The following TEX15 variants were observed in gnomAD, a reference collection of about 807,000 sequenced individuals.
The protein encoded by TEX15 is testis expressed 15, meiosis and synapsis associated.
In TEX15, 171 loss-of-function variants were observed where a neutral mutation model predicts 237.3. The observed-to-expected ratio is 0.72, with a 90% CI of 0.64 to 0.82. The LOEUF (loss-of-function observed/expected upper bound fraction) is 0.82, where lower values mean the gene tolerates loss of function less well. Ranked by LOEUF, TEX15 falls within the 40% of genes least tolerant of loss-of-function variation. TEX15 has a pLI of 0.00. For missense variants in TEX15, 3,750 were observed against 3,646.5 expected (o/e 1.03, Z -0.73); for synonymous variants, 1,338 against 1,269.8 (o/e 1.05, Z -1.14).
rs898928148 is a variant in TEX15 at position 30,898,736 on chromosome 8, A to G, written c.-10+6T>C. 7 of 152,226 alleles carry G rather than the reference A, an allele frequency of 4.6e-5. No homozygotes were observed. Among genetic ancestry groups the G allele is most frequent in the African/African-American group, 1.7e-4 (7 of 41,466 alleles). The allele number at this position is 152,226 out of a possible 1,614,324, so 9.4% of individuals were successfully genotyped here. A position where few individuals can be genotyped will look rare whatever the true frequency, so the allele number is the denominator to read the frequency against. On this transcript the variant is annotated splice_donor_region_variant and intron_variant, in intron 2 of 10. Coordinates refer to ENST00000643185, the MANE Select transcript of TEX15 (RefSeq NM_001350162.2). ...CAGTAACAAAGCCATTATTTGAAAT[A>G]CTTACCACTCTTCAATGGCATCCAG...
At chr8:30,852,568 TC>T (rs916637598) in intron 7 of TEX15, among the ~76,000 whole-genome samples, 10 of 152,114 alleles carry the variant, frequency 6.6e-5, no homozygotes, top group African/African-American at 2.4e-4. Context: ...GGCATTCTCA[TC>T]AAATGACAAT....
intron 7 of TEX15, among the ~76,000 whole-genome samples, chr8:30,853,511 A>G (rs1052046356): frequency 6.6e-6 from 1 of 152,364 alleles, no homozygotes; most frequent in South Asian, 2.1e-4. Context: ...AAAACACAGT[A>G]TAACAACTAT....
Position 30,843,798 on chromosome 8 carries a change from C to T in TEX15, c.6369G>A (p.Gln2123=). ...LLGKPRGFQQ[Q]SNFYPGFQGR... ...CTTGGAAACCAGGATAGAAATTAGA[C>T]TGCTGTTGAAATCCACGTGGTTTTC... is the stretch of plus-strand genomic sequence containing the variant. Residue 2123 remains glutamine (Q), a synonymous_variant, in exon 8 of 11, where the codon CAG becomes CAA. Transcript: ENST00000643185. 1.2e-6 allele frequency: 2 copies of T among 1,613,426 alleles called. No individual in the cohort carries two copies. Among genetic ancestry groups the T allele is most frequent in the Non-Finnish European group, 8.5e-7 (1 of 1,179,636 alleles).
At position 30,856,348 on chromosome 8, in the gene TEX15, G is replaced by A. The variant is rs1464348263; in HGVS notation, c.850+2320C>T. Among the ~76,000 whole-genome samples, 8 of 149,504 alleles carry A rather than the reference G, an allele frequency of 5.4e-5. No individual in the cohort carries two copies. The East Asian group carries it at 1.7e-3, about 32-fold the overall frequency. Reference sequence around the variant, plus strand: ...GCAGGTGGATCACTTGAGCTTAGGAGTTTGAGACCAGCCTGGGCAACATGG... The same window carrying A: ...GCAGGTGGATCACTTGAGCTTAGGAATTTGAGACCAGCCTGGGCAACATGG... On this transcript the variant is annotated intron_variant, in intron 7 of 10. Transcript: ENST00000643185.
chr8:30,851,661 A>G (rs555741775), intron 7 of TEX15, among the ~76,000 whole-genome samples: 83 of 151,422 alleles, frequency 5.5e-4, no homozygotes, highest in African/African-American at 2.0e-3. Context: ...AGATGGATTA[A>G]TATATACCAA....
At chr8:30,862,505 T>C (rs1808071895) in intron 5 of TEX15, among the ~76,000 whole-genome samples, 1 of 152,138 alleles carries the variant, frequency 6.6e-6, no homozygotes, top group Non-Finnish European at 1.5e-5. Context: ...CACAAAAAAC[T>C]CTGTGGTTAC....
intron 2 of TEX15, among the ~76,000 whole-genome samples, chr8:30,893,334 T>C (rs1004051143): frequency 3.3e-5 from 5 of 152,240 alleles, no homozygotes; most frequent in Non-Finnish European, 7.3e-5. Flanking sequence ...AACCAATTTC[T>C]ATATATTGGC....
intron 5 of TEX15, among the ~76,000 whole-genome samples, chr8:30,860,722 G>C (rs946656018): frequency 7.2e-5 from 11 of 151,760 alleles, no homozygotes; most frequent in Non-Finnish European, 1.3e-4. Context: ...GCTAATTTTT[G>C]TATTTTTAGT....
Position 30,848,690 on chromosome 8 carries a change from C to G in TEX15, c.1477G>C (p.Gly493Arg), listed in dbSNP as rs1807691652. 1.2e-6 allele frequency: 2 copies of G among 1,614,130 alleles called. No individual in the cohort carries two copies. Among genetic ancestry groups the G allele is most frequent in the Non-Finnish European group, 1.7e-6 (2 of 1,180,024 alleles). ...VPGDCAVLTN[G>R]LDTPCFKTSV... ...GTTTTAAAGCAAGGGGTATCCAAAC[C>G]ATTAGTAAGAACAGCACAATCACCA... Residue 493 changes from glycine (G) to arginine (R), a missense_variant, in exon 8 of 11, where the codon GGT (glycine) becomes CGT (arginine). Transcript: ENST00000643185.
At position 30,848,599 on chromosome 8, in the gene TEX15, G is replaced by A; in HGVS notation, c.1568C>T (p.Pro523Leu). ...TTGCCCTGCCATGGTAACTTTATTG[G>A]GAGGTATACAGTCATAGTCCTCAGA... ...MGSEDYDCIPPNKVTMAGQCK... is the reference protein window; with the variant it reads ...MGSEDYDCIPLNKVTMAGQCK... The change falls in exon 8 of 11, where the codon CCC (proline) becomes CTC (leucine). Residue 523 changes from proline to leucine, a missense_variant. Physicochemically the swap from Pro to Leu is moderately conservative, Grantham distance 98. Transcript: ENST00000643185. 1 of 1,614,024 alleles carries A rather than the reference G, an allele frequency of 6.2e-7. No individual in the cohort carries two copies. The highest frequency in any genetic ancestry group is 8.5e-7 in the Non-Finnish European group (1 of 1,179,996).
intron 8 of TEX15, among the ~76,000 whole-genome samples, chr8:30,840,791 T>A (rs185562833): frequency 3.3e-5 from 5 of 152,328 alleles, no homozygotes; most frequent in Admixed American, 2.6e-4. Context: ...CACTTCAATG[T>A]GTACAGAATG....
At position 30,858,652 on chromosome 8, in the gene TEX15, C is replaced by A; in HGVS notation, c.850+16G>T. On this transcript the variant is annotated intron_variant, in intron 7 of 10. Transcript: ENST00000643185. ...AGCACAAATATTAATCAAGTACAAT[C>A]ATATGTGTATCTTACCAGCTCTCTT... The A allele has an allele frequency of 6.6e-7, 1 of 1,516,416 alleles. No individual in the cohort carries two copies. The highest frequency in any genetic ancestry group is 8.8e-7 in the Non-Finnish European group (1 of 1,135,840). The allele number at this position is 1,516,416 out of a possible 1,614,324, so 93.9% of individuals were successfully genotyped here. A position where few individuals can be genotyped will look rare whatever the true frequency, so the allele number is the denominator to read the frequency against.
intron 10 of TEX15, among the ~76,000 whole-genome samples, chr8:30,833,829 T>C (rs73228643): frequency 0.082 from 12,450 of 152,280 alleles, 606 homozygotes; most frequent in South Asian, 0.12. Context: ...GGATATTAAG[T>C]AAATGATTAT....
rs749443622 is a variant in TEX15 at position 30,842,186 on chromosome 8, T to C, written c.7981A>G (p.Ile2661Val). 4.3e-6 allele frequency: 7 copies of C among 1,612,350 alleles called. No homozygotes were observed. Among genetic ancestry groups the C allele is most frequent in the Non-Finnish European group, 5.9e-6 (7 of 1,179,370 alleles). The change falls in exon 8 of 11, where the codon ATT (isoleucine) becomes GTT (valine). Residue 2661 changes from isoleucine to valine, a missense_variant. Ile to Val is a conservative substitution (Grantham distance 29, BLOSUM62 3). Coordinates refer to ENST00000643185, the MANE Select transcript of TEX15 (RefSeq NM_001350162.2). ...TTGTTATTTTCCCCAGGTTTTACAA[T>C]ATGAATATTCATTTTTTCTTTTCTC... ...LKRKEKMNIH[I>V]VKPGENNNKF...
chr8:30,912,283 G>A (rs929856142), intron 1 of TEX15, among the ~76,000 whole-genome samples: 2 of 149,706 alleles, frequency 1.3e-5, no homozygotes, highest in African/African-American at 4.9e-5. Context: ...TAGCGCTCCA[G>A]GGTCGCGAGT....
At chr8:30,878,405 C>T (rs1237295112) in intron 3 of TEX15, among the ~76,000 whole-genome samples, 6 of 151,944 alleles carry the variant, frequency 3.9e-5, no homozygotes, top group East Asian at 1.9e-4. Context: ...ATTTTTGAGA[C>T]GGAGTTTCAC....
chr8:30,867,956 A>G (rs1808209019), intron 4 of TEX15, among the ~76,000 whole-genome samples: 3 of 152,220 alleles, frequency 2.0e-5, no homozygotes, highest in Admixed American at 2.0e-4. Context: ...CAGGTTCCAG[A>G]GCTCACATTT....
At chr8:30,911,662 G>A (rs1809221947) in intron 1 of TEX15, among the ~76,000 whole-genome samples, 1 of 152,138 alleles carries the variant, frequency 6.6e-6, no homozygotes, top group African/African-American at 2.4e-5. Context: ...TAAACTTGAA[G>A]GGAACCGTGG....
intron 8 of TEX15, among the ~76,000 whole-genome samples, chr8:30,841,314 G>C (rs1807447899): frequency 6.6e-6 from 1 of 152,164 alleles, no homozygotes; most frequent in South Asian, 2.1e-4. Context: ...CTGTCAATAA[G>C]GGCTCTGGAG....
Sources: allele counts gnomAD v4.1 joint callset (sites outside exome capture counted in the v4.1 genomes callset), GRCh38; gene constraint gnomAD v4.1.1; transcripts MANE v1.5; gene names NCBI Gene and HGNC (gene_info 2026-07-23, HGNC 2026-07-21).